TMEM30A: variants seen among roughly 807,000 people sequenced by gnomAD.
TMEM30A encodes cell division cycle 50 P4-ATPase accessory subunit A, also known as cell cycle control protein 50A.
Under a neutral mutation model 38.2 loss-of-function variants are expected in TMEM30A, and 24 were observed. The observed-to-expected ratio is 0.63, with a 90% CI of 0.46 to 0.88. The LOEUF (loss-of-function observed/expected upper bound fraction) is 0.88. TMEM30A is among the 40% of genes least tolerant of loss of function. TMEM30A has a pLI of 0.00. For synonymous variants in TMEM30A, 145 were observed against 161.6 expected (o/e 0.90, Z 0.78); for missense variants, 370 against 458.6 (o/e 0.81, Z 1.77).
At chr6:75,261,803 G>A (rs2149519376) in intron 3 of TMEM30A, among the ~76,000 whole-genome samples, 1 of 152,284 alleles carries the variant, frequency 6.6e-6, no homozygotes, top group South Asian at 2.1e-4. Flanking sequence ...GCACTTGTGT[G>A]AATGGAAAAG....
At chr6:75,279,457 G>C (rs772992051) in intron 1 of TMEM30A, among the ~76,000 whole-genome samples, 17 of 151,858 alleles carry the variant, frequency 1.1e-4, no homozygotes, top group Non-Finnish European at 2.4e-4. Context: ...CCTATCTTTA[G>C]AAACAAAAGA....
intron 2 of TMEM30A, 108 bp downstream of exon 2, chr6:75,267,533 T>C (rs1448509444): frequency 4.3e-6 from 3 of 700,070 alleles, no homozygotes; most frequent in African/African-American, 3.7e-5. Context: ...CTCCAGTAAA[T>C]TATACAGACT....
intron 1 of TMEM30A, among the ~76,000 whole-genome samples, chr6:75,283,840 T>C (rs953208250): frequency 6.6e-6 from 1 of 152,124 alleles, no homozygotes; most frequent in East Asian, 1.9e-4. Flanking sequence ...TTGTCATAAG[T>C]CCTCATATGT....
intron 1 of TMEM30A, among the ~76,000 whole-genome samples, chr6:75,280,318 A>AT (rs1005828551): frequency 1.3e-5 from 2 of 152,182 alleles, no homozygotes; most frequent in African/African-American, 4.8e-5. Flanking sequence ...TGGGCAGGCA[A>AT]TTTTTTTCTG....
At chr6:75,262,057 T>C (rs1562387748) in intron 3 of TMEM30A, among the ~76,000 whole-genome samples, 1 of 152,162 alleles carries the variant, frequency 6.6e-6, no homozygotes, top group Non-Finnish European at 1.5e-5. Context: ...CAAAAGCTAT[T>C]TGATGAGGGC....
intron 1 of TMEM30A, among the ~76,000 whole-genome samples, chr6:75,275,321 G>A (rs1172809015): frequency 6.6e-6 from 1 of 152,050 alleles, no homozygotes; most frequent in Non-Finnish European, 1.5e-5. Flanking sequence ...CATCATCTAT[G>A]CTGATTAACC....
Position 75,259,330 on chromosome 6 carries a change from T to G in TMEM30A, c.685+17A>C. 6.3e-7 allele frequency: 1 copy of G among 1,596,678 alleles called. No individual in the cohort carries two copies. Among genetic ancestry groups the G allele is most frequent in the Non-Finnish European group, 8.5e-7 (1 of 1,174,392 alleles). ...ACTCCTAGTTTAATTTTTTAAGGGA[T>G]ATTAGTAATGTTTTACCTTTAAATC... On this transcript the variant is annotated intron_variant, in intron 5 of 6. Coordinates refer to ENST00000230461, the MANE Select transcript of TMEM30A (RefSeq NM_018247.4).
intron 1 of TMEM30A, among the ~76,000 whole-genome samples, chr6:75,281,427 G>C (rs1397895768): frequency 6.6e-6 from 1 of 151,974 alleles, no homozygotes; most frequent in Non-Finnish European, 1.5e-5. Context: ...GAATGATAAA[G>C]CAATTATGAT....
chr6:75,269,007 T>G (rs759186905), intron 1 of TMEM30A, among the ~76,000 whole-genome samples: 2 of 152,224 alleles, frequency 1.3e-5, no homozygotes, highest in African/African-American at 2.4e-5. Context: ...AATAGACTAA[T>G]TTTTATAGTT....
In TMEM30A at chr6:75,276,326, T is replaced by C. The variant is rs567443390; in HGVS notation, c.237+8076A>G. ...AAATAAAGCAAACTCAAGGAGGGCG[T>C]CATGGAAACACCAGTTTATAGCAAT... On this transcript the variant is annotated intron_variant, in intron 1 of 6. Coordinates refer to ENST00000230461, the MANE Select transcript of TMEM30A (RefSeq NM_018247.4). Among the ~76,000 whole-genome samples the C allele has an allele frequency of 5.3e-5, 8 of 152,304 alleles. No homozygotes were observed. The South Asian group carries it at 1.7e-3, about 32-fold the overall frequency.
intron 3 of TMEM30A, among the ~76,000 whole-genome samples, chr6:75,264,368 G>A (rs1227548325): frequency 6.6e-6 from 1 of 152,210 alleles, no homozygotes; most frequent in Admixed American, 6.5e-5. Context: ...GGACACGGTG[G>A]CTCAAGCCTG....
intron 3 of TMEM30A, 66 bp from the exon 4 acceptor site, chr6:75,260,977 C>A (rs1771955979): frequency 9.4e-7 from 1 of 1,063,704 alleles, no homozygotes; most frequent in South Asian, 1.7e-5. Context: ...TATGAGCTAT[C>A]CCTAAATTAC....
intron 1 of TMEM30A, among the ~76,000 whole-genome samples, chr6:75,271,436 G>A (rs1017439806): frequency 1.3e-5 from 2 of 151,928 alleles, no homozygotes; most frequent in Non-Finnish European, 2.9e-5. Context: ...TTTTTTAAAT[G>A]TATTAAAAAA....
rs758231533 is a variant in TMEM30A, at chr6:75,258,851, C to T, written c.821G>A (p.Arg274His). The T allele has an allele frequency of 9.3e-6, 15 of 1,613,816 alleles. No homozygotes were observed. Among genetic ancestry groups the T allele is most frequent in the African/African-American group, 2.7e-5 (2 of 74,908 alleles). The change falls in exon 6 of 7, where the codon CGT (arginine) becomes CAT (histidine). Residue 274 changes from arginine (R) to histidine (H), a missense_variant. Transcript: ENST00000230461. The stretch of plus-strand genomic sequence containing the variant: ...TAAATCACTTTTCCTTTCTATAAGA[C>T]GATACAACTTGCGAAAAGTAGGTAA... ...AALPTFRKLY[R>H]LIERKSDLHP...
chr6:75,260,428 A>AT (rs1562386825), intron 4 of TMEM30A, among the ~76,000 whole-genome samples: 1 of 152,132 alleles, frequency 6.6e-6, no homozygotes, highest in African/African-American at 2.4e-5. Flanking sequence ...AGGAAAAAAA[A>AT]AAAAAGACAG....
At chr6:75,283,636 G>C (rs1215291142) in intron 1 of TMEM30A, among the ~76,000 whole-genome samples, 1 of 151,432 alleles carries the variant, frequency 6.6e-6, no homozygotes, top group Admixed American at 6.6e-5. Flanking sequence ...CCTGAGTGTG[G>C]TCACTGGCTC....
rs193271620 is a variant in TMEM30A at position 75,276,634 on chromosome 6, C to T, written c.237+7768G>A. 1.1e-3 allele frequency among the ~76,000 whole-genome samples: 174 copies of T among 152,306 alleles called. 1 individual carries two copies. Among genetic ancestry groups the T allele is most frequent in the Non-Finnish European group, 1.9e-3 (126 of 68,038 alleles). On this transcript the variant is annotated intron_variant, in intron 1 of 6. Coordinates refer to ENST00000230461, the MANE Select transcript of TMEM30A (RefSeq NM_018247.4). ...CTTTGGCTTTTTCCTGTCAGAAATA[C>T]CCTGCTTTACTCTTATTTACCAGGC...
rs1438932124 is a variant in TMEM30A at position 75,253,139 on chromosome 6, A to G, written c.*2963T>C. The G allele has an allele frequency of 6.6e-6, 1 of 152,126 alleles. No individual in the cohort carries two copies. The highest frequency in any genetic ancestry group is 2.4e-5 in the African/African-American group (1 of 41,434). The allele number at this position is 152,126 out of a possible 1,614,324, so 9.4% of individuals were successfully genotyped here. ...CTCCCCTCAAAATACCCATGTTCAC[A>G]AAGAACAAAACCTTACAGCTTAACC... On this transcript the variant is annotated 3_prime_UTR_variant, in exon 7 of 7. Transcript: ENST00000230461.
intron 2 of TMEM30A, among the ~76,000 whole-genome samples, chr6:75,266,459 G>T (rs1169611813): frequency 6.6e-6 from 1 of 152,108 alleles, no homozygotes; most frequent in African/African-American, 2.4e-5. Context: ...AATTCAATTT[G>T]TAAACTGAAA....
Sources: gnomAD v4.1 joint callset for allele counts (sites outside exome capture counted in the v4.1 genomes callset) on GRCh38, gnomAD v4.1.1 for gene constraint, MANE v1.5 for transcripts, NCBI Gene and HGNC (gene_info 2026-07-23, HGNC 2026-07-21) for gene names.